The following MON2 variants were observed in gnomAD, a reference collection of about 807,000 sequenced individuals.
MON2 encodes the protein protein MON2 homolog.
In MON2, 84 loss-of-function variants were observed where a neutral mutation model predicts 208.6. The ratio of observed to expected loss-of-function variants is 0.40; its 90% CI spans 0.34 to 0.48. MON2 has a LOEUF of 0.48. Ranked by LOEUF, MON2 falls within the 20% of genes least tolerant of loss-of-function variation. The pLI, the probability that MON2 is intolerant of heterozygous loss-of-function variation, is 0.59. For synonymous variants in MON2, 660 were observed against 694.0 expected (o/e 0.95, Z 0.77); for missense variants, 1,611 against 2,015.4 (o/e 0.80, Z 3.84).
At chr12:62,498,381 A>G (rs1360644391) in intron 4 of MON2, among the ~76,000 whole-genome samples, 1 of 152,162 alleles carries the variant, frequency 6.6e-6, no homozygotes, top group Non-Finnish European at 1.5e-5. Flanking sequence ...TTTTGGGGTG[A>G]TGGAAATATT....
At chr12:62,562,944 G>C (rs985591571) in intron 26 of MON2, among the ~76,000 whole-genome samples, 3 of 152,084 alleles carry the variant, frequency 2.0e-5, no homozygotes, top group Non-Finnish European at 4.4e-5. Flanking sequence ...AGTTATTTTA[G>C]CATACATAGA....
At chr12:62,590,930 C>T (rs2075379198) in intron 34 of MON2, among the ~76,000 whole-genome samples, 1 of 152,250 alleles carries the variant, frequency 6.6e-6, no homozygotes, top group African/African-American at 2.4e-5. Context: ...GCTGGAATTA[C>T]AGGCGTGAGC....
rs1400359095 is a variant in MON2, at chr12:62,532,507, T to C, written c.1470T>C (p.His490=). Residue 490 remains histidine, a synonymous_variant, in exon 12 of 35, where the codon CAT becomes CAC. Transcript: ENST00000393630. The stretch of plus-strand genomic sequence containing the variant: ...GTTACGCCATGTCTGTGGCATTCCA[T>C]TGTTTGCTAGACCTTGTTCGTGGAA... The part of the protein sequence containing the change: ...PEGYAMSVAF[H]CLLDLVRGIT... The C allele has an allele frequency of 7.4e-6, 12 of 1,614,030 alleles. No individual in the cohort carries two copies. The highest frequency in any genetic ancestry group is 1.0e-5 in the Non-Finnish European group (12 of 1,180,020).
chr12:62,543,968 T>C (rs2073362393), intron 20 of MON2, among the ~76,000 whole-genome samples: 1 of 152,150 alleles, frequency 6.6e-6, no homozygotes, highest in Non-Finnish European at 1.5e-5. Context: ...TAACTATAGA[T>C]AGTGCTGGAG....
At chr12:62,539,256 A>C (rs1220563212) in intron 19 of MON2, among the ~76,000 whole-genome samples, 1 of 151,806 alleles carries the variant, frequency 6.6e-6, no homozygotes. Flanking sequence ...ATTCAAAATT[A>C]TGTTGTCTGC....
At chr12:62,510,939 G>A (rs1441073056) in intron 8 of MON2, among the ~76,000 whole-genome samples, 7 of 152,144 alleles carry the variant, frequency 4.6e-5, no homozygotes, top group Admixed American at 2.6e-4. Context: ...ACATAGCAAA[G>A]TTGCAAATAT....
chr12:62,532,035 C>T (rs1318200612), intron 11 of MON2, among the ~76,000 whole-genome samples: 1 of 152,210 alleles, frequency 6.6e-6, no homozygotes, highest in Non-Finnish European at 1.5e-5. Flanking sequence ...TCCCAAAGTG[C>T]TTGGATTACA....
intron 2 of MON2, among the ~76,000 whole-genome samples, chr12:62,491,065 G>C (rs2070102284): frequency 6.6e-6 from 1 of 152,092 alleles, no homozygotes; most frequent in Non-Finnish European, 1.5e-5. Context: ...GCATGAACTT[G>C]TTCATGGTTC....
intron 16 of MON2, 77 bp from the exon 17 acceptor site, chr12:62,538,019 A>G (rs1464889492): frequency 1.5e-6 from 2 of 1,314,904 alleles, no homozygotes; most frequent in Non-Finnish European, 2.1e-6. Context: ...AGAAGTTACT[A>G]CTGATTTTAA....
At chr12:62,565,591 C>T (rs1263489661) in intron 27 of MON2, among the ~76,000 whole-genome samples, 1 of 152,184 alleles carries the variant, frequency 6.6e-6, no homozygotes, top group Non-Finnish European at 1.5e-5. Flanking sequence ...TGACTTTCCT[C>T]TTCCAACTGA....
chr12:62,542,343 A>G (rs757030030), intron 19 of MON2, among the ~76,000 whole-genome samples: 1 of 152,180 alleles, frequency 6.6e-6, no homozygotes, highest in Non-Finnish European at 1.5e-5. Context: ...TTATTCTCCT[A>G]AATTGGCTTT....
In MON2 at chr12:62,559,201, A is replaced by G. The variant is rs145560069; in HGVS notation, c.3410-1290A>G. Among the ~76,000 whole-genome samples, 3 of 152,332 alleles carry G rather than the reference A, an allele frequency of 2.0e-5. No homozygotes were observed. In the East Asian group the frequency reaches 5.8e-4, roughly 29 times the overall value. Reference sequence around the variant, plus strand: ...GGTCATTTATCAGCTTTCCAAAATGAAAGTCCTTAAACCTTGATTATTTAT... The same window carrying G: ...GGTCATTTATCAGCTTTCCAAAATGGAAGTCCTTAAACCTTGATTATTTAT... On this transcript the variant is annotated intron_variant, in intron 25 of 34. Transcript: ENST00000393630.
At position 62,467,337 on chromosome 12, in the gene MON2, C is replaced by T; in HGVS notation, c.111+19C>T. 1 of 1,592,990 alleles carries T rather than the reference C, an allele frequency of 6.3e-7. No individual in the cohort carries two copies. The highest frequency in any genetic ancestry group is 8.6e-7 in the Non-Finnish European group (1 of 1,161,096). ...CAAAGAGGTAAGCTTCAGGTGACGT[C>T]AGGAGAAGGCACTGTGAGCATGCCT... On this transcript the variant is annotated intron_variant, in intron 1 of 34. Transcript: ENST00000393630.
intron 2 of MON2, among the ~76,000 whole-genome samples, chr12:62,493,552 T>C (rs773486987): frequency 1.1e-4 from 16 of 152,212 alleles, no homozygotes; most frequent in Non-Finnish European, 2.2e-4. Flanking sequence ...AGGGTGGGAA[T>C]TCTTATTTAT....
chr12:62,552,927 A>C lies in MON2; in HGVS notation c.2963A>C (p.Lys988Thr). The C allele has an allele frequency of 6.2e-7, 1 of 1,614,116 alleles. No individual in the cohort carries two copies. The change falls in exon 24 of 35, where the codon AAA becomes ACA. Residue 988 changes from lysine (K) to threonine (T), a missense_variant. Lys to Thr is a moderately conservative substitution (Grantham distance 78, BLOSUM62 -1). Transcript: ENST00000393630. ...YFFQRGETIE[K>T]ELNKEEAAQQ... ...TTCCAAAGAGGGGAAACTATTGAAA[A>C]AGAACTAAATAAGGAAGAGGCAGCA...
chr12:62,484,196 TA>T lies in MON2; in HGVS notation c.142del (p.Thr48GlnfsTer13). 3.1e-6 allele frequency: 5 copies of T among 1,601,728 alleles called. No homozygotes were observed. Among genetic ancestry groups the T allele is most frequent in the Non-Finnish European group, 4.3e-6 (5 of 1,174,962 alleles). On this transcript the variant is annotated frameshift_variant, in exon 2 of 35. Coordinates refer to ENST00000393630, the MANE Select transcript of MON2 (RefSeq NM_015026.3). LOFTEE classifies it high-confidence loss of function. ...EAAESGIIKV[K>X]TIAARNTEIL... ...CTGCTGAATCAGGAATAATAAAAGTTAAAACAATTGCTGCACGAAACACTGA... is the reference window on the plus strand; with the variant it reads ...CTGCTGAATCAGGAATAATAAAAGTTAAACAATTGCTGCACGAAACACTGA...
At position 62,598,521 on chromosome 12, in the gene MON2, T is replaced by A. The variant is rs1378105120; in HGVS notation, c.*5772T>A. 1.3e-5 allele frequency: 2 copies of A among 152,240 alleles called. No homozygotes were observed. The highest frequency in any genetic ancestry group is 2.9e-5 in the Non-Finnish European group (2 of 68,034). 9.4% of individuals were successfully genotyped at this position (152,240 alleles called of 1,614,324 possible). On this transcript the variant is annotated 3_prime_UTR_variant, in exon 35 of 35. Coordinates refer to ENST00000393630, the MANE Select transcript of MON2 (RefSeq NM_015026.3). ...TCAGACCCAACTGTGCAAATTTCATTTGCTTTCCATCTCTTACTACTACCT... is the reference window on the plus strand; with the variant it reads ...TCAGACCCAACTGTGCAAATTTCATATGCTTTCCATCTCTTACTACTACCT...
chr12:62,528,765 C>T (rs549031740), intron 11 of MON2, among the ~76,000 whole-genome samples: 4 of 152,228 alleles, frequency 2.6e-5, no homozygotes, highest in East Asian at 1.9e-4. Flanking sequence ...GATTTATTTA[C>T]GATGTGGCTC....
intron 12 of MON2, among the ~76,000 whole-genome samples, chr12:62,534,542 A>AAAATATATATATAT (rs1555169522): frequency 1.7e-3 from 39 of 22,836 alleles, no homozygotes; most frequent in Non-Finnish European, 2.8e-3. Context: ...AAAAAAAAAA[A>AAAATATATATATAT]ATATATATAT....
Sources: allele counts gnomAD v4.1 joint callset (sites outside exome capture counted in the v4.1 genomes callset), GRCh38; gene constraint gnomAD v4.1.1; transcripts MANE v1.5; gene names NCBI Gene and HGNC (gene_info 2026-07-23, HGNC 2026-07-21).